Variants in ZFPM2 observed in about 807,000 individuals in gnomAD.
ZFPM2 encodes the protein zinc finger protein ZFPM2.
Under a neutral mutation model 98.6 loss-of-function variants are expected in ZFPM2, and 20 were observed. That is an observed-to-expected ratio of 0.20 (90% CI 0.14 to 0.29). The LOEUF is 0.29. ZFPM2 is among the 10% of genes least tolerant of loss of function. The pLI is 1.00. For synonymous variants in ZFPM2, 518 were observed against 502.7 expected (o/e 1.03, Z -0.41); for missense variants, 1,310 against 1,388.6 (o/e 0.94, Z 0.90).
At chr8:105,488,839 C>A (rs1290764580) in intron 3 of ZFPM2, among the ~76,000 whole-genome samples, 1 of 152,142 alleles carries the variant, frequency 6.6e-6, no homozygotes, top group Non-Finnish European at 1.5e-5. Context: ...TGTGAACAAA[C>A]CAGGCCTCTC....
At chr8:105,674,129 T>G (rs529985987) in intron 5 of ZFPM2, among the ~76,000 whole-genome samples, 2 of 152,330 alleles carry the variant, frequency 1.3e-5, no homozygotes, top group South Asian at 4.1e-4. Context: ...TCACCATAGC[T>G]CTAATCGTAA....
intron 3 of ZFPM2, among the ~76,000 whole-genome samples, chr8:105,477,407 G>A (rs1344814505): frequency 6.6e-6 from 1 of 151,624 alleles, no homozygotes; most frequent in East Asian, 1.9e-4. Flanking sequence ...ACCATGCCTG[G>A]CTAATTTTTG....
intron 5 of ZFPM2, among the ~76,000 whole-genome samples, chr8:105,758,660 CAATT>C (rs1316465170): frequency 2.0e-5 from 3 of 151,932 alleles, no homozygotes; most frequent in African/African-American, 4.8e-5. Flanking sequence ...TTTTAGTAAT[CAATT>C]GATTGAAAAC....
intron 3 of ZFPM2, among the ~76,000 whole-genome samples, chr8:105,456,095 G>A (rs1457446402): frequency 6.6e-6 from 1 of 150,840 alleles, no homozygotes; most frequent in Non-Finnish European, 1.5e-5. Flanking sequence ...AAGAGTCATC[G>A]AAGAAGACTG....
chr8:105,595,351 C>CA (rs1247632006), intron 4 of ZFPM2, among the ~76,000 whole-genome samples: 3 of 151,874 alleles, frequency 2.0e-5, no homozygotes, highest in Non-Finnish European at 4.4e-5. Flanking sequence ...GAATTACACC[C>CA]AAAAAAACAT....
At chr8:105,642,752 T>G (rs770738106) in intron 5 of ZFPM2, among the ~76,000 whole-genome samples, 17 of 152,170 alleles carry the variant, frequency 1.1e-4, no homozygotes. Flanking sequence ...AAGAGCTTAC[T>G]TGATGAAAGA....
In ZFPM2 at chr8:105,490,246, C is replaced by CA. The variant is rs1003164625; in HGVS notation, c.301+45874dup. ...TGGGAGACAGAGGGAGACTCCGTCT[C>CA]AAAAAAAAAGAAAAATGATATCCTA... On this transcript the variant is annotated intron_variant, in intron 3 of 7. Transcript: ENST00000407775. 6.0e-4 allele frequency among the ~76,000 whole-genome samples: 90 copies of CA among 149,384 alleles called. 1 individual carries two copies. The South Asian group carries it at 0.018, about 30-fold the overall frequency.
intron 5 of ZFPM2, among the ~76,000 whole-genome samples, chr8:105,673,421 T>C (rs1817634608): frequency 6.6e-6 from 1 of 152,110 alleles, no homozygotes; most frequent in South Asian, 2.1e-4. Context: ...ATCATTCATG[T>C]TGGCATGCCT....
chr8:105,770,694 G>A (rs1416342988), intron 5 of ZFPM2, among the ~76,000 whole-genome samples: 2 of 151,974 alleles, frequency 1.3e-5, no homozygotes, highest in Non-Finnish European at 2.9e-5. Flanking sequence ...GCTACTCTAC[G>A]CTATTAAACC....
intron 2 of ZFPM2, among the ~76,000 whole-genome samples, chr8:105,443,331 A>AAAAAAAC (rs1812303491): frequency 6.6e-6 from 1 of 151,136 alleles, no homozygotes; most frequent in Non-Finnish European, 1.5e-5. Context: ...AAAAACAAAA[A>AAAAAAAC]AAAAAAAACT....
Position 105,393,334 on chromosome 8 carries a change from T to TGTCTGTC in ZFPM2, c.41-25810_41-25809insGTCTGTC, listed in dbSNP as rs374340648. 5.1e-3 allele frequency among the ~76,000 whole-genome samples: 639 copies of TGTCTGTC among 124,310 alleles called. 8 individuals carry two copies. The highest frequency in any genetic ancestry group is 0.018 in the African/African-American group (602 of 34,310). 81.6% of individuals were successfully genotyped at this position (124,310 alleles called of 152,430 possible). ...CTTTCTTCCTTCCCTCTCTCTCTCT[T>TGTCTGTC]TGCCTTTCTTTCTTTCTTTCTTTCT... On this transcript the variant is annotated intron_variant, in intron 1 of 7. Transcript: ENST00000407775.
intron 3 of ZFPM2, among the ~76,000 whole-genome samples, chr8:105,551,394 AT>A (rs79699460): frequency 0.035 from 5,298 of 152,116 alleles, 140 homozygotes; most frequent in African/African-American, 0.063. Flanking sequence ...TTACATTTTT[AT>A]TTCTTTATGG....
At chr8:105,446,521 G>T (rs1338582640) in intron 3 of ZFPM2, among the ~76,000 whole-genome samples, 29 of 152,176 alleles carry the variant, frequency 1.9e-4, no homozygotes, top group South Asian at 6.2e-4. Flanking sequence ...TGTATTTGTG[G>T]CTAATAAAAG....
In ZFPM2 at chr8:105,376,467, C is replaced by T. The variant is rs114785500; in HGVS notation, c.41-42677C>T. Among the ~76,000 whole-genome samples the T allele has an allele frequency of 3.3e-3, 509 of 152,128 alleles. 4 individuals carry two copies. The highest frequency in any genetic ancestry group is 0.012 in the African/African-American group (485 of 41,482). On this transcript the variant is annotated intron_variant, in intron 1 of 7. Coordinates refer to ENST00000407775, the MANE Select transcript of ZFPM2 (RefSeq NM_012082.4). ...TCTTTATTTCCAGACTTGAATTCTC[C>T]CTGGACCTTCAGACTCATATTTCCA...
chr8:105,784,106 C>T (rs1813341561), intron 5 of ZFPM2, among the ~76,000 whole-genome samples: 1 of 152,048 alleles, frequency 6.6e-6, no homozygotes, highest in African/African-American at 2.4e-5. Context: ...AACATAAGGT[C>T]AAAGGGTACA....
intron 1 of ZFPM2, among the ~76,000 whole-genome samples, chr8:105,376,560 T>C (rs191562336): frequency 3.9e-5 from 6 of 152,334 alleles, no homozygotes; most frequent in African/African-American, 1.4e-4. Flanking sequence ...AGAACAACTC[T>C]TGGTCATGTG....
intron 3 of ZFPM2, among the ~76,000 whole-genome samples, chr8:105,555,509 C>G (rs1010584905): frequency 1.8e-4 from 27 of 152,054 alleles, no homozygotes; most frequent in African/African-American, 6.5e-4. Context: ...GTCGTATCAT[C>G]AAGATTTTCA....
chr8:105,570,931 C>G (rs977241995), intron 4 of ZFPM2, among the ~76,000 whole-genome samples: 2 of 152,130 alleles, frequency 1.3e-5, no homozygotes, highest in African/African-American at 4.8e-5. Context: ...TCATTGTTCC[C>G]TTTTCCCAGA....
intron 3 of ZFPM2, among the ~76,000 whole-genome samples, chr8:105,512,057 G>A (rs12680382): frequency 0.4 from 60,408 of 151,988 alleles, 14,782 homozygotes; most frequent in African/African-American, 0.7. Context: ...GAGGCAGAGA[G>A]TTTCTTGAAC....
Sources: gnomAD v4.1 joint callset for allele counts (sites outside exome capture counted in the v4.1 genomes callset) on GRCh38, gnomAD v4.1.1 for gene constraint, MANE v1.5 for transcripts, NCBI Gene and HGNC (gene_info 2026-07-23, HGNC 2026-07-21) for gene names.